CNTN4: variants seen among roughly 807,000 people sequenced by gnomAD.
The protein encoded by CNTN4 is contactin-4.
Under a neutral mutation model 122.5 loss-of-function variants are expected in CNTN4, and 77 were observed. The ratio of observed to expected loss-of-function variants is 0.63; its 90% confidence interval spans 0.52 to 0.76. The LOEUF is 0.76. Ranked by LOEUF, CNTN4 falls within the 30% of genes least tolerant of loss-of-function variation. The pLI is 0.00. For synonymous variants in CNTN4, 512 were observed against 447.0 expected (o/e 1.15, Z -1.83); for missense variants, 1,256 against 1,259.1 (o/e 1.00, Z 0.04).
chr3:2,888,123 AT>A (rs1243683694), intron 10 of CNTN4, among the ~76,000 whole-genome samples: 2 of 152,202 alleles, frequency 1.3e-5, no homozygotes, highest in East Asian at 3.8e-4. Flanking sequence ...ACAAAAGTCT[AT>A]TTATTTCACT....
intron 6 of CNTN4, among the ~76,000 whole-genome samples, chr3:2,755,486 C>G (rs998329217): frequency 1.3e-5 from 2 of 152,076 alleles, no homozygotes; most frequent in Non-Finnish European, 1.5e-5. Flanking sequence ...CCCAAACTTG[C>G]TGAGTTTCTG....
At chr3:2,430,190 G>T (rs1422510176) in intron 3 of CNTN4, among the ~76,000 whole-genome samples, 2 of 151,952 alleles carry the variant, frequency 1.3e-5, no homozygotes, top group Non-Finnish European at 2.9e-5. Context: ...TTGGGAGGCC[G>T]AGGCGGGTGG....
At chr3:2,333,863 C>T (rs144365249) in intron 2 of CNTN4, among the ~76,000 whole-genome samples, 43 of 151,420 alleles carry the variant, frequency 2.8e-4, no homozygotes, top group African/African-American at 9.9e-4. Context: ...ATCTACATGA[C>T]CTTTACCTCC....
chr3:2,300,593 G>C (rs956737563), intron 2 of CNTN4, among the ~76,000 whole-genome samples: 1 of 82,406 alleles, frequency 1.2e-5, no homozygotes, highest in African/African-American at 4.7e-5. Flanking sequence ...TTTTTTTTGA[G>C]ATGGAGTCTT....
At chr3:2,431,955 A>G (rs895062504) in intron 3 of CNTN4, among the ~76,000 whole-genome samples, 17 of 152,330 alleles carry the variant, frequency 1.1e-4, no homozygotes, top group Admixed American at 3.9e-4. Context: ...AAATTTTAAG[A>G]AATAGGCCAG....
intron 8 of CNTN4, among the ~76,000 whole-genome samples, chr3:2,881,445 G>A (rs983510977): frequency 7.9e-5 from 12 of 151,910 alleles, no homozygotes; most frequent in South Asian, 6.2e-4. Context: ...CCCGGGAGGC[G>A]GAGGTTGCAG....
Position 2,709,686 on chromosome 3 carries a change from G to C in CNTN4, c.56-26529G>C, listed in dbSNP as rs139971693. Among the ~76,000 whole-genome samples, 50 of 152,278 alleles carry C rather than the reference G, an allele frequency of 3.3e-4. No individual in the cohort carries two copies. In the East Asian group the frequency reaches 8.9e-3, roughly 27 times the overall value. ...CGCAGCACTTTGGGAGGCTGAGGCA[G>C]GTGGATCACTTGAGGTCAGGAGTTC... On this transcript the variant is annotated intron_variant, in intron 4 of 24. Coordinates refer to ENST00000418658, the MANE Select transcript of CNTN4 (RefSeq NM_175607.3). The surrounding 1 kb of genome is among the most constrained non-coding windows in gnomAD (Gnocchi z 5.0).
intron 4 of CNTN4, among the ~76,000 whole-genome samples, chr3:2,682,785 C>G (rs1287171549): frequency 1.3e-5 from 2 of 152,096 alleles, no homozygotes; most frequent in Non-Finnish European, 1.5e-5. Flanking sequence ...AGTCCATTTC[C>G]AGTGGCCTGC....
chr3:2,694,065 C>T lies in CNTN4; in HGVS notation c.56-42150C>T, dbSNP rs112519470. Among the ~76,000 whole-genome samples the T allele has an allele frequency of 2.6e-5, 4 of 152,256 alleles. 1 individual carries two copies. Among genetic ancestry groups the T allele is most frequent in the African/African-American group, 9.6e-5 (4 of 41,556 alleles). The stretch of plus-strand genomic sequence containing the variant: ...TCAAATTATATTAAACTCTCCAGTC[C>T]TCATACTTTCCTGCTAGGATGCCTT... On this transcript the variant is annotated intron_variant, in intron 4 of 24. Transcript: ENST00000418658.
At chr3:2,642,632 A>G (rs1485095190) in intron 4 of CNTN4, among the ~76,000 whole-genome samples, 2 of 152,138 alleles carry the variant, frequency 1.3e-5, no homozygotes, top group Non-Finnish European at 2.9e-5. Flanking sequence ...TCTTGTGTAT[A>G]TTGGTATTAT....
intron 3 of CNTN4, among the ~76,000 whole-genome samples, chr3:2,568,317 G>GAAGAA (rs1559246787): frequency 1.4e-5 from 1 of 71,034 alleles, no homozygotes; most frequent in Non-Finnish European, 2.6e-5. Context: ...GCAAGAATGT[G>GAAGAA]AAAAAAAAAA....
At chr3:2,816,135 A>G (rs1033477684) in intron 6 of CNTN4, among the ~76,000 whole-genome samples, 2 of 152,000 alleles carry the variant, frequency 1.3e-5, no homozygotes, top group African/African-American at 4.8e-5. Context: ...CAGGCAGATC[A>G]TGAGGTCAGG....
At chr3:2,644,631 A>AT (rs1355491709) in intron 4 of CNTN4, among the ~76,000 whole-genome samples, 1 of 151,042 alleles carries the variant, frequency 6.6e-6, no homozygotes, top group African/African-American at 2.4e-5. Context: ...TGGATTTCCT[A>AT]AGTGAGTCCA....
At chr3:2,473,287 T>C (rs1559585112) in intron 3 of CNTN4, among the ~76,000 whole-genome samples, 1 of 150,244 alleles carries the variant, frequency 6.7e-6, no homozygotes, top group Non-Finnish European at 1.5e-5. Flanking sequence ...TGTACTACGA[T>C]AGCATCTTCA....
chr3:2,187,929 A>G lies in CNTN4; in HGVS notation c.-145+87290A>G, dbSNP rs969325350. ...TTTGACACCATAGTTTTATGGATTC[A>G]AGGACCATGAGAAGTGCATCCTACT... On this transcript the variant is annotated intron_variant, in intron 2 of 24. Transcript: ENST00000418658. Among the ~76,000 whole-genome samples, 9 of 152,248 alleles carry G rather than the reference A, an allele frequency of 5.9e-5. No homozygotes were observed. The East Asian group carries it at 1.7e-3, about 29-fold the overall frequency.
chr3:2,465,215 C>A (rs1473868226), intron 3 of CNTN4, among the ~76,000 whole-genome samples: 1 of 152,114 alleles, frequency 6.6e-6, no homozygotes, highest in Non-Finnish European at 1.5e-5. Context: ...AATCTGTGGG[C>A]ATGATTCCTG....
chr3:2,585,438 C>A (rs2080146545), intron 4 of CNTN4, among the ~76,000 whole-genome samples: 3 of 151,994 alleles, frequency 2.0e-5, no homozygotes, highest in Admixed American at 2.0e-4. Flanking sequence ...TGGAACCAAC[C>A]CAAATGTCCA....
At chr3:2,778,503 C>T (rs1002516073) in intron 6 of CNTN4, among the ~76,000 whole-genome samples, 1 of 152,114 alleles carries the variant, frequency 6.6e-6, no homozygotes, top group Non-Finnish European at 1.5e-5. Flanking sequence ...TCTCTGTTTA[C>T]AGCATATAGA....
intron 6 of CNTN4, among the ~76,000 whole-genome samples, chr3:2,803,262 A>C (rs1348604077): frequency 6.6e-6 from 1 of 152,206 alleles, no homozygotes; most frequent in African/African-American, 2.4e-5. Flanking sequence ...GATTGACATA[A>C]ACTAAAATAG....
Sources: gnomAD v4.1 joint callset for allele counts (sites outside exome capture counted in the v4.1 genomes callset) on GRCh38, gnomAD v4.1.1 for gene constraint, Gnocchi (gnomAD v3.1) non-coding constraint, MANE v1.5 for transcripts, NCBI Gene and HGNC (gene_info 2026-07-23, HGNC 2026-07-21) for gene names.